Variants in ASNS observed in about 807,000 individuals in gnomAD.
ASNS encodes the protein asparagine synthetase (glutamine-hydrolyzing).
ASNS carries 37 observed loss-of-function variants against 62.6 expected under a neutral mutation model. The ratio of observed to expected loss-of-function variants is 0.59; its 90% CI spans 0.45 to 0.78. The LOEUF is 0.78. ASNS is among the 30% of genes least tolerant of loss of function. The pLI, the probability that ASNS is intolerant of heterozygous loss-of-function variation, is 0.00. For missense variants in ASNS, 520 were observed against 682.4 expected, an observed-to-expected ratio of 0.76 and a Z score of 2.65; for synonymous variants, 207 against 237.9, an observed-to-expected ratio of 0.87 and a Z score of 1.19.
At chr7:97,876,497 G>A (rs1792441453), upstream of ASNS, among the ~76,000 whole-genome samples, 1 of 147,662 alleles carries the variant, frequency 6.8e-6, no homozygotes, top group Non-Finnish European at 1.5e-5. Context: ...GTGCAATCTC[G>A]GCTCACTGCA....
chr7:97,893,353 A>C, the ASNS span, among the ~76,000 whole-genome samples: 1 of 152,272 alleles, frequency 6.6e-6, no homozygotes, highest in African/African-American at 2.4e-5. Context: ...ACCAGAAAAC[A>C]ATGAACAAAA....
At chr7:97,852,686 G>A (rs1791237922) in intron 12 of ASNS, among the ~76,000 whole-genome samples, 1 of 152,118 alleles carries the variant, frequency 6.6e-6, no homozygotes, top group African/African-American at 2.4e-5. Flanking sequence ...ATACTTGGTG[G>A]CTCTGTTTTA....
chr7:97,916,898 A>G, the ASNS span, among the ~76,000 whole-genome samples: 1 of 152,178 alleles, frequency 6.6e-6, no homozygotes, highest in Non-Finnish European at 1.5e-5. Flanking sequence ...GTCAGACCCT[A>G]TGAAGAAGAC....
At chr7:97,877,948 G>A in the ASNS span, among the ~76,000 whole-genome samples, 2 of 152,148 alleles carry the variant, frequency 1.3e-5, no homozygotes, top group African/African-American at 4.8e-5. Flanking sequence ...TCTCTTGGGG[G>A]CTGTCCTAGA....
chr7:97,864,777 T>C (rs1406579766), intron 3 of ASNS, among the ~76,000 whole-genome samples: 2 of 152,180 alleles, frequency 1.3e-5, no homozygotes, highest in Admixed American at 6.5e-5. Flanking sequence ...GATGGAAATG[T>C]ATATTATATA....
chr7:97,878,495 C>G, the ASNS span, among the ~76,000 whole-genome samples: 1 of 152,156 alleles, frequency 6.6e-6, no homozygotes, highest in Non-Finnish European at 1.5e-5. Flanking sequence ...CATTCGTATA[C>G]ACCAATAACA....
At chr7:97,916,073 A>G in the ASNS span, among the ~76,000 whole-genome samples, 1 of 152,182 alleles carries the variant, frequency 6.6e-6, no homozygotes, top group Non-Finnish European at 1.5e-5. Flanking sequence ...TGAAGTCATG[A>G]TAAGTATCCA....
chr7:97,926,685 C>G, the ASNS span, among the ~76,000 whole-genome samples: 1 of 151,972 alleles, frequency 6.6e-6, no homozygotes, highest in African/African-American at 2.4e-5. Flanking sequence ...ACAGGCGCCG[C>G]GAAAAGAGCG....
the ASNS span, among the ~76,000 whole-genome samples, chr7:97,882,867 G>GA: frequency 3.9e-5 from 6 of 152,162 alleles, no homozygotes; most frequent in African/African-American, 9.7e-5. Context: ...TATTAAAACT[G>GA]AAAAAATCAG....
At chr7:97,859,578 A>G in intron 4 of ASNS, among the ~76,000 whole-genome samples, 180 bp from the exon 5 acceptor site, 1 of 152,228 alleles carries the variant, frequency 6.6e-6, no homozygotes, top group East Asian at 1.9e-4. Flanking sequence ...TACTTACCTG[A>G]GAGACAATAA....
At chr7:97,863,904 C>T (rs1791839316) in intron 4 of ASNS, 1 of 193,202 alleles carries the variant, frequency 5.2e-6, no homozygotes, top group African/African-American at 2.4e-5. Context: ...AATCCTAACA[C>T]TTGCTGTGCT....
intron 3 of ASNS, among the ~76,000 whole-genome samples, chr7:97,866,720 C>T (rs1447801327): frequency 6.6e-6 from 1 of 152,188 alleles, no homozygotes; most frequent in East Asian, 1.9e-4. Context: ...ATGCTTCACA[C>T]TCCATCCAAC....
Position 97,864,474 on chromosome 7 carries a change from T to A in ASNS, c.272A>T (p.Glu91Val), listed in dbSNP as rs779375479. 2.5e-6 allele frequency: 4 copies of A among 1,613,834 alleles called. No homozygotes were observed. The highest frequency in any genetic ancestry group is 1.1e-5 in the South Asian group (1 of 91,064). Residue 91 changes from glutamate to valine, a missense_variant, in exon 4 of 13, where the codon GAA becomes GTA. Glu to Val is a moderately radical substitution (Grantham distance 121). Coordinates refer to ENST00000394308, the MANE Select transcript of ASNS (RefSeq NM_001673.5). ...HKKMQQHFEF[E>V]YQTKVDGEII... ...CTCACCATCCACTTTGGTCTGGTAT[T>A]CAAATTCAAAATGCTGTTGCATCTT...
rs1791384545 is a variant in ASNS at position 97,855,372 on chromosome 7, C to A, written c.1118G>T (p.Gly373Val). Residue 373 changes from glycine to valine, a missense_variant, in exon 9 of 13, where the codon GGT becomes GTT. Gly to Val is a moderately radical substitution (Grantham distance 109). Coordinates refer to ENST00000394308, the MANE Select transcript of ASNS (RefSeq NM_001673.5). ...SGEGSDELTQGYIYFHKAPSP... is the reference protein window; with the variant it reads ...SGEGSDELTQVYIYFHKAPSP... ...GGTTACCTTGTGAAAATATATGTAA[C>A]CCTGCGTAAGTTCATCTGATCCTTC... is the stretch of plus-strand genomic sequence containing the variant. 1.2e-6 allele frequency: 2 copies of A among 1,612,164 alleles called. No homozygotes were observed. Among genetic ancestry groups the A allele is most frequent in the Middle Eastern group, 1.7e-4 (1 of 5,972 alleles).
At chr7:97,897,370 C>T in the ASNS span, among the ~76,000 whole-genome samples, 12 of 152,234 alleles carry the variant, frequency 7.9e-5, no homozygotes, top group African/African-American at 2.4e-4. Context: ...AGATGCCAAA[C>T]GCAATTGCCA....
chr7:97,909,288 C>T, the ASNS span, among the ~76,000 whole-genome samples: 2 of 138,948 alleles, frequency 1.4e-5, no homozygotes, highest in East Asian at 2.2e-4. Flanking sequence ...AGTTTCCTCA[C>T]ATACACTTTT....
chr7:97,865,302 T>G (rs111982522), intron 3 of ASNS, among the ~76,000 whole-genome samples: 1 of 152,222 alleles, frequency 6.6e-6, no homozygotes, highest in Non-Finnish European at 1.5e-5. Flanking sequence ...CCACCTACAA[T>G]GCTGCGTTTT....
At chr7:97,870,641 T>G (rs1792210618) in intron 1 of ASNS, among the ~76,000 whole-genome samples, 1 of 152,186 alleles carries the variant, frequency 6.6e-6, no homozygotes, top group South Asian at 2.1e-4. Context: ...AACAAATTAT[T>G]TGAGATTTAC....
In ASNS at chr7:97,853,395, A is replaced by C. The variant is rs1393480188; in HGVS notation, c.1239-9T>G. 6.2e-7 allele frequency: 1 copy of C among 1,606,568 alleles called. No homozygotes were observed. The highest frequency in any genetic ancestry group is 8.5e-7 in the Non-Finnish European group (1 of 1,176,106). ...GGACTCTCAGTTCAAGACTTAAAGG[A>C]GAAAAGAAGAAAATCTAAATTAAAA... is the stretch of plus-strand genomic sequence containing the variant. On this transcript the variant is annotated splice_polypyrimidine_tract_variant and intron_variant, in intron 10 of 12. Coordinates refer to ENST00000394308, the MANE Select transcript of ASNS (RefSeq NM_001673.5).
Sources: allele counts gnomAD v4.1 joint callset (sites outside exome capture counted in the v4.1 genomes callset), GRCh38; gene constraint gnomAD v4.1.1; transcripts MANE v1.5; gene names NCBI Gene and HGNC (gene_info 2026-07-23, HGNC 2026-07-21).